The following FGF13 variants were observed in gnomAD, a reference collection of about 807,000 sequenced individuals.
The protein encoded by FGF13 is fibroblast growth factor 13, also known as fibroblast growth factor homologous factor 2.
In FGF13, 2 loss-of-function variants were observed where a neutral mutation model predicts 19.5. The ratio of observed to expected loss-of-function variants is 0.10; its 90% CI spans 0.04 to 0.32. The LOEUF is 0.32. Among genes scored for constraint, FGF13 ranks in the 10% least tolerant of loss-of-function variants. The pLI is 1.00. For synonymous variants in FGF13, 72 were observed against 76.9 expected, an observed-to-expected ratio of 0.94 and a Z score of 0.33; for missense variants, 113 against 192.7, an observed-to-expected ratio of 0.59 and a Z score of 2.45.
At chrX:138,792,212 A>G (rs2090747771) in intron 3 of FGF13, among the ~76,000 whole-genome samples, 1 of 112,456 alleles carries the variant, frequency 8.9e-6, no homozygotes, top group Admixed American at 9.4e-5. Context: ...ATCAACAACA[A>G]TAACAACGAT....
intron 3 of FGF13, among the ~76,000 whole-genome samples, chrX:138,748,759 A>T (rs2090375090): frequency 8.9e-6 from 1 of 111,784 alleles, no homozygotes; most frequent in African/African-American, 3.3e-5. Context: ...TAAAAACGGA[A>T]ATCCACTGTA....
At chrX:138,761,350 C>T (rs1332787457) in intron 3 of FGF13, among the ~76,000 whole-genome samples, 1 of 111,416 alleles carries the variant, frequency 9.0e-6, no homozygotes, top group Non-Finnish European at 1.9e-5. Context: ...TTACTATACT[C>T]AGTCAACACC....
At chrX:139,148,215 T>G (rs1042561049) in intron 1 of FGF13, among the ~76,000 whole-genome samples, 1 of 111,122 alleles carries the variant, frequency 9.0e-6, no homozygotes, top group East Asian at 2.9e-4. Flanking sequence ...ATAACTGTTT[T>G]CCTTCTCAGC....
chrX:138,806,181 T>A (rs939098647), intron 3 of FGF13, among the ~76,000 whole-genome samples: 2 of 112,371 alleles, frequency 1.8e-5, no homozygotes, highest in African/African-American at 6.5e-5. Context: ...TCATATTTTT[T>A]CTGCTATATA....
chrX:139,204,893 CGGA>C (rs2084454593), upstream of FGF13: 1 of 111,194 alleles, frequency 9.0e-6, no homozygotes, highest in African/African-American at 3.3e-5. Context: ...TGCTCGCCGG[CGGA>C]GGAGTGGGAG....
intron 1 of FGF13, among the ~76,000 whole-genome samples, chrX:138,874,155 A>AT (rs2091374545): frequency 8.1e-5 from 8 of 98,167 alleles, no homozygotes; most frequent in Non-Finnish European, 1.6e-4. Context: ...AAGTATAATA[A>AT]ATATATATAT....
chrX:138,908,232 G>A (rs1039097213), intron 1 of FGF13, among the ~76,000 whole-genome samples: 2 of 105,646 alleles, frequency 1.9e-5, no homozygotes, highest in Admixed American at 1.0e-4. Context: ...CACTGCGCCC[G>A]GCTAAATTTT....
chrX:138,794,946 T>G (rs752537826), intron 3 of FGF13, among the ~76,000 whole-genome samples: 1 of 112,216 alleles, frequency 8.9e-6, no homozygotes, highest in African/African-American at 3.2e-5. Context: ...CCTGACATCT[T>G]ATAGTTTCTC....
At chrX:139,075,659 C>T (rs2083327459) in intron 1 of FGF13, among the ~76,000 whole-genome samples, 2 of 111,560 alleles carry the variant, frequency 1.8e-5, no homozygotes, top group Non-Finnish European at 3.8e-5. Flanking sequence ...AAAAAGAAGG[C>T]TCTCAACTTG....
chrX:138,876,544 G>A (rs1376614010), intron 1 of FGF13, among the ~76,000 whole-genome samples: 1 of 112,147 alleles, frequency 8.9e-6, no homozygotes, highest in Non-Finnish European at 1.9e-5. Context: ...CTAGGAGCTC[G>A]GAATAGGCCC....
intron 1 of FGF13, among the ~76,000 whole-genome samples, chrX:139,041,678 A>C (rs1487672956): frequency 1.8e-5 from 2 of 112,017 alleles, no homozygotes; most frequent in Non-Finnish European, 3.8e-5. Flanking sequence ...AGTTGCTTCC[A>C]TAAGTCTGAT....
chrX:139,188,477 T>C (rs1253312188), intron 1 of FGF13, among the ~76,000 whole-genome samples: 13 of 111,242 alleles, frequency 1.2e-4, no homozygotes, highest in African/African-American at 4.3e-4. Context: ...ATACATGGAG[T>C]GGGAAATCTG....
intron 1 of FGF13, among the ~76,000 whole-genome samples, chrX:138,916,391 T>A (rs1473518287): frequency 9.0e-6 from 1 of 111,723 alleles, no homozygotes; most frequent in East Asian, 2.8e-4. Flanking sequence ...GAAGAAACAG[T>A]CTTCATTTAA....
intron 1 of FGF13, among the ~76,000 whole-genome samples, chrX:139,017,356 C>T (rs373211289): frequency 0.028 from 2,225 of 79,752 alleles, 73 homozygotes; most frequent in African/African-American, 0.095. Flanking sequence ...TATATATACA[C>T]ACACACACAC....
In FGF13 at chrX:138,615,259, A is replaced by G. The variant is rs1226579820; in HGVS notation, c.*17591T>C. On this transcript the variant is annotated 3_prime_UTR_variant, in exon 5 of 5. Transcript: ENST00000315930. ...ATGTCTGTGGATTATACAGATGCCA[A>G]TTTCTTGGTTTATATATGATACTGC... 1 of 112,006 alleles carries G rather than the reference A, an allele frequency of 8.9e-6. No individual in the cohort carries two copies. Among genetic ancestry groups the G allele is most frequent in the Non-Finnish European group, 1.9e-5 (1 of 53,184 alleles). 9.2% of individuals were successfully genotyped at this position (112,006 alleles called of 1,213,427 possible).
chrX:139,185,902 G>C (rs2084279475), intron 1 of FGF13, among the ~76,000 whole-genome samples: 1 of 111,395 alleles, frequency 9.0e-6, no homozygotes, highest in Non-Finnish European at 1.9e-5. Flanking sequence ...CAAAGTAAGG[G>C]GGAAAAATGT....
chrX:138,634,373 C>T (rs1481304930), intron 4 of FGF13, among the ~76,000 whole-genome samples: 1 of 112,132 alleles, frequency 8.9e-6, no homozygotes, highest in Admixed American at 9.4e-5. Flanking sequence ...CCACCGTGCC[C>T]GGCTGTGTAT....
intron 3 of FGF13, among the ~76,000 whole-genome samples, chrX:138,803,174 C>T (rs140734822): frequency 4.5e-5 from 5 of 111,992 alleles, no homozygotes; most frequent in African/African-American, 1.6e-4. Context: ...TCTTAATTAG[C>T]CTTTCTGCCA....
chrX:138,697,495 C>A lies in FGF13; in HGVS notation c.402+5489G>T, dbSNP rs761249171. ...GTTTGCTATGGTAGTCCCAGGACTA[C>A]AAAACGTGACAGTAAAATCACTCCT... On this transcript the variant is annotated intron_variant, in intron 3 of 4. Transcript: ENST00000315930. 5.5e-5 allele frequency among the ~76,000 whole-genome samples: 6 copies of A among 109,058 alleles called. No homozygotes were observed. The South Asian group carries it at 2.4e-3, about 44-fold the overall frequency. The allele number at this position is 109,058 out of a possible 115,157, so 94.7% of individuals were successfully genotyped here.
Sources: gnomAD v4.1 joint callset for allele counts (sites outside exome capture counted in the v4.1 genomes callset) on GRCh38, gnomAD v4.1.1 for gene constraint, MANE v1.5 for transcripts, NCBI Gene and HGNC (gene_info 2026-07-23, HGNC 2026-07-21) for gene names.